PCNX3: variants seen among roughly 807,000 people sequenced by gnomAD.
PCNX3 encodes pecanex-like protein 3.
In PCNX3, 58 loss-of-function variants were observed where a neutral mutation model predicts 207.2. That is an observed-to-expected ratio of 0.28 (90% CI 0.23 to 0.35). The LOEUF (loss-of-function observed/expected upper bound fraction) is 0.35, where lower values mean the gene tolerates loss of function less well. Ranked by LOEUF, PCNX3 falls within the 10% of genes least tolerant of loss-of-function variation. PCNX3 has a pLI of 1.00. For missense variants in PCNX3, 2,410 were observed against 2,774.4 expected (o/e 0.87, Z 2.95); for synonymous variants, 1,337 against 1,183.5 (o/e 1.13, Z -2.66).
rs370114647 is a variant in PCNX3 at position 65,624,399 on chromosome 11, A to T, written c.2716+33A>T. On this transcript the variant is annotated intron_variant, in intron 14 of 34. Transcript: ENST00000355703. ...TGGGGCAGGGATGAGGTGGCCCAGG[A>T]GAGTGAGTCCCCGAGGGTGGGCCGC... 7.6e-5 allele frequency: 118 copies of T among 1,551,686 alleles called. 1 individual carries two copies. In the African/African-American group the frequency reaches 1.5e-3, roughly 20 times the overall value.
At position 65,637,339 on chromosome 11, in the gene PCNX3, T is replaced by C. The variant is rs1467479161; in HGVS notation, c.*361T>C. 1 of 256,488 alleles carries C rather than the reference T, an allele frequency of 3.9e-6. No individual in the cohort carries two copies. The highest frequency in any genetic ancestry group is 5.3e-5 in the Admixed American group (1 of 18,970). 15.9% of individuals were successfully genotyped at this position (256,488 alleles called of 1,614,324 possible). ...TGGCCTGGACCTGGGGCCTGAATTG[T>C]GGGAAGGGTGGTTTCTTTCTTTCCT... On this transcript the variant is annotated 3_prime_UTR_variant, in exon 35 of 35. Coordinates refer to ENST00000355703, the MANE Select transcript of PCNX3 (RefSeq NM_032223.4).
Position 65,618,531 on chromosome 11 carries a change from G to A in PCNX3, c.1169G>A (p.Arg390Gln), listed in dbSNP as rs780297017. The A allele has an allele frequency of 7.4e-6, 12 of 1,611,236 alleles. No homozygotes were observed. The highest frequency in any genetic ancestry group is 2.7e-5 in the African/African-American group (2 of 75,016). ...CGGCCCAAGGACTTGGCCCTGCTAC[G>A]GCCTAGCAAACGGCAGCCACCCCTG... ...VVRPKDLALL[R>Q]PSKRQPPLRR... The change falls in exon 6 of 35, where the codon CGG becomes CAG. Residue 390 changes from arginine to glutamine, a missense_variant. Transcript: ENST00000355703.
rs937546116 is a variant in PCNX3 at position 65,625,476 on chromosome 11, C to T, written c.3101C>T (p.Pro1034Leu). The T allele has an allele frequency of 4.5e-5, 73 of 1,604,576 alleles. No homozygotes were observed. Among genetic ancestry groups the T allele is most frequent in the East Asian group, 4.0e-4 (18 of 44,766 alleles). The change falls in exon 18 of 35, where the codon CCG becomes CTG. Residue 1034 changes from proline to leucine, a missense_variant. By Grantham distance (98) the Pro-to-Leu change is moderately conservative. Coordinates refer to ENST00000355703, the MANE Select transcript of PCNX3 (RefSeq NM_032223.4). The surrounding 1 kb of genome is among the most constrained non-coding windows in gnomAD (Gnocchi z 5.6). ...TTGGAGACAGCCCGGGCCGAGCCCC[C>T]GGACCCCTTGCCGGACAAGATGCGC... Reference protein sequence around the residue: ...RSLETARAEPPDPLPDKMRQS... With the variant: ...RSLETARAEPLDPLPDKMRQS...
chr11:65,627,448 C>T lies in PCNX3; in HGVS notation c.3568C>T (p.Arg1190Cys). The T allele has an allele frequency of 1.2e-6, 2 of 1,612,932 alleles. No homozygotes were observed. Among genetic ancestry groups the T allele is most frequent in the Non-Finnish European group, 1.7e-6 (2 of 1,179,870 alleles). The stretch of plus-strand genomic sequence containing the variant: ...GACCGTGGCTGGGCTGAAGCTGCTG[C>T]GCTCAGCCTTCTGCTGCCCCCCACA... ...LMTVAGLKLL[R>C]SAFCCPPQQY... Residue 1190 changes from arginine to cysteine, a missense_variant, in exon 22 of 35, where the codon CGC (arginine) becomes TGC (cysteine). Transcript: ENST00000355703.
At chr11:65,627,299 C>T in intron 21 of PCNX3, 106 bp from the exon 22 acceptor site, 2 of 1,289,002 alleles carry the variant, frequency 1.6e-6, no homozygotes, top group Non-Finnish European at 2.1e-6. Flanking sequence ...CCCAGCAGAG[C>T]AGAGGCCAGG....
chr11:65,626,754 G>C, intron 20 of PCNX3, 150 bp from the exon 21 acceptor site: 2 of 1,154,430 alleles, frequency 1.7e-6, no homozygotes, highest in African/African-American at 3.1e-5. Context: ...GCTGGGGCTC[G>C]CTGCTCCCAT....
intron 10 of PCNX3, among the ~76,000 whole-genome samples, chr11:65,621,402 C>G (rs910705330): frequency 6.6e-6 from 1 of 152,216 alleles, no homozygotes; most frequent in Non-Finnish European, 1.5e-5. Context: ...CTCTGTCACT[C>G]TTAAGAATAT....
Position 65,625,420 on chromosome 11 carries a change from C to T in PCNX3, c.3045C>T (p.Ser1015=). Residue 1015 remains serine (S), a synonymous_variant, in exon 18 of 35, where the codon AGC becomes AGT. Coordinates refer to ENST00000355703, the MANE Select transcript of PCNX3 (RefSeq NM_032223.4). This position sits in a 1 kb window ranked among gnomAD's most constrained non-coding sequence, Gnocchi z 5.6. The part of the protein sequence containing the change: ...DPTVLWSLIR[S]KLFPELEERS... ...TCACCCCCAGGTCTCTGATCCGGAG[C>T]AAGCTGTTCCCTGAGCTGGAGGAGC... 1.9e-6 allele frequency: 3 copies of T among 1,605,080 alleles called. No homozygotes were observed. The highest frequency in any genetic ancestry group is 2.5e-6 in the Non-Finnish European group (3 of 1,178,976).
At chr11:65,619,508 C>G (rs1026818093) in intron 6 of PCNX3, 29 bp from the exon 7 acceptor site, 8 of 1,607,488 alleles carry the variant, frequency 5.0e-6, no homozygotes, top group Non-Finnish European at 6.8e-6. Flanking sequence ...GCATCTGTCA[C>G]TTACACTTGG....
At chr11:65,617,731 G>T in intron 5 of PCNX3, 25 bp downstream of exon 5, 1 of 1,550,166 alleles carries the variant, frequency 6.5e-7, no homozygotes, top group South Asian at 1.2e-5. Flanking sequence ...TGGGGCCGAG[G>T]CTTGTGGGCT....
Position 65,624,541 on chromosome 11 carries a change from C to T in PCNX3, c.2787C>T (p.Tyr929=). The T allele has an allele frequency of 6.2e-7, 1 of 1,608,910 alleles. No individual in the cohort carries two copies. Among genetic ancestry groups the T allele is most frequent in the Non-Finnish European group, 8.5e-7 (1 of 1,177,642 alleles). Residue 929 remains tyrosine (Y), a synonymous_variant, in exon 15 of 35, where the codon TAC becomes TAT. Transcript: ENST00000355703. ...CCCAGGTCAACACCTGCCTCATGTA[C>T]CTGCTGGAGCAAATAGATATGCACG... is the stretch of plus-strand genomic sequence containing the variant. ...LLPQVNTCLM[Y]LLEQIDMHGF... is the part of the protein sequence containing the mutation.
At position 65,625,285 on chromosome 11, in the gene PCNX3, G is replaced by A. The variant is rs1855324283; in HGVS notation, c.3029+5G>A. On this transcript the variant is annotated splice_donor_5th_base_variant and intron_variant, in intron 17 of 34. Coordinates refer to ENST00000355703, the MANE Select transcript of PCNX3 (RefSeq NM_032223.4). The surrounding 1 kb of genome is among the most constrained non-coding windows in gnomAD (Gnocchi z 5.6). ...CAGCGACCCCACCGTGCTCTGGTGG[G>A]TGTGCTCCGGGTCGTGTGTTTGTGT... The A allele has an allele frequency of 6.2e-7, 1 of 1,604,380 alleles. No homozygotes were observed. The highest frequency in any genetic ancestry group is 1.7e-5 in the Admixed American group (1 of 59,792).
At chr11:65,622,449 T>A in intron 11 of PCNX3, 83 bp downstream of exon 11, 2 of 1,447,464 alleles carry the variant, frequency 1.4e-6, no homozygotes, top group Non-Finnish European at 9.2e-7. Flanking sequence ...GTGGAGGCAG[T>A]CATGGCAGCA....
In PCNX3 at chr11:65,627,392, C is replaced by G. The variant is rs757011041; in HGVS notation, c.3525-13C>G. On this transcript the variant is annotated splice_polypyrimidine_tract_variant and intron_variant, in intron 21 of 34. Coordinates refer to ENST00000355703, the MANE Select transcript of PCNX3 (RefSeq NM_032223.4). ...CCCCTACCAAGCACCCGATGCCTGC[C>G]CCTTGCCCACAGCTGCCGGGCGCTG... 1.0e-5 allele frequency: 16 copies of G among 1,605,232 alleles called. No individual in the cohort carries two copies. Among genetic ancestry groups the G allele is most frequent in the African/African-American group, 1.3e-5 (1 of 75,036 alleles).
intron 12 of PCNX3, 29 bp downstream of exon 12, chr11:65,623,673 C>A: frequency 6.2e-7 from 1 of 1,602,636 alleles, no homozygotes; most frequent in East Asian, 2.2e-5. Flanking sequence ...TGTTTCCTTC[C>A]CCACCCGACT....
intron 29 of PCNX3, 135 bp downstream of exon 29, chr11:65,634,776 G>A (rs1855758190): frequency 7.7e-6 from 9 of 1,176,274 alleles, no homozygotes; most frequent in Admixed American, 7.2e-5. Context: ...CTTCTCCCAC[G>A]GGCAGGGCAC....
Position 65,635,608 on chromosome 11 carries a change from G to A in PCNX3, c.5264G>A (p.Arg1755His). ...LVFLRNRNPE[R>H]GSIQNAKQAL... ...TTCCTGCGCAACCGCAACCCCGAGCGTGGCAGCATCCAGAACGCCAAGCAG... is the reference window on the plus strand; with the variant it reads ...TTCCTGCGCAACCGCAACCCCGAGCATGGCAGCATCCAGAACGCCAAGCAG... The change falls in exon 32 of 35, where the codon CGT (arginine) becomes CAT (histidine). Residue 1755 changes from arginine to histidine, a missense_variant. By Grantham distance (29) the Arg-to-His change is conservative. Around this residue, in one of 8 missense-constraint regions of PCNX3, gnomAD observed 21 missense variants for 79.2 expected, o/e 0.27. Transcript: ENST00000355703. This position sits in a 1 kb window ranked among gnomAD's most constrained non-coding sequence, Gnocchi z 9.9. 6.2e-7 allele frequency: 1 copy of A among 1,612,926 alleles called. No homozygotes were observed. Among genetic ancestry groups the A allele is most frequent in the East Asian group, 2.2e-5 (1 of 44,864 alleles).
At chr11:65,627,987 T>C (rs1855472989) in intron 22 of PCNX3, among the ~76,000 whole-genome samples, 1 of 152,160 alleles carries the variant, frequency 6.6e-6, no homozygotes, top group African/African-American at 2.4e-5. Context: ...TGCCTGGGTG[T>C]GTATAGGTGC....
rs1311454257 is a variant in PCNX3, at chr11:65,618,903, T to C, written c.1541T>C (p.Leu514Pro). The stretch of plus-strand genomic sequence containing the variant: ...ATGGATGGGGCTGGGGGTGATGTTC[T>C]GAGGCCCCCACTGGCTGGCTGCAAG... Reference protein sequence around the residue: ...LSMDGAGGDVLRPPLAGCKAE... With the variant: ...LSMDGAGGDVPRPPLAGCKAE... The change falls in exon 6 of 35, where the codon CTG (leucine) becomes CCG (proline). Residue 514 changes from leucine (L) to proline (P), a missense_variant. By Grantham distance (98) the Leu-to-Pro change is moderately conservative. This residue lies in a region of PCNX3 where 1,104 missense variants were observed against 970.3 expected (regional missense o/e 1.14). Transcript: ENST00000355703. 2 of 1,609,294 alleles carry C rather than the reference T, an allele frequency of 1.2e-6. No homozygotes were observed. Among genetic ancestry groups the C allele is most frequent in the Admixed American group, 1.7e-5 (1 of 59,554 alleles).
Sources: gnomAD v4.1 joint callset for allele counts (sites outside exome capture counted in the v4.1 genomes callset) on GRCh38, gnomAD v4.1.1 for gene constraint, gnomAD v4.1.1 regional missense constraint, Gnocchi (gnomAD v3.1) non-coding constraint, MANE v1.5 for transcripts, NCBI Gene and HGNC (gene_info 2026-07-23, HGNC 2026-07-21) for gene names.